SLC26A4: variants seen among roughly 807,000 people sequenced by gnomAD.
The protein encoded by SLC26A4 is pendrin.
SLC26A4 carries 93 observed loss-of-function variants against 90.4 expected under a neutral mutation model. That is an observed-to-expected ratio of 1.03 (90% CI 0.87 to 1.22). The LOEUF (loss-of-function observed/expected upper bound fraction) is 1.22. Ranked by LOEUF, SLC26A4 falls within the 50% of genes most tolerant of loss-of-function variation. SLC26A4 has a pLI of 0.00. For synonymous variants in SLC26A4, 393 were observed against 354.6 expected, an observed-to-expected ratio of 1.11 and a Z score of -1.22; for missense variants, 1,127 against 946.2, an observed-to-expected ratio of 1.19 and a Z score of -2.51.
chr7:107,709,863 G>A (rs1584344264), intron 18 of SLC26A4, among the ~76,000 whole-genome samples, 191 bp from the exon 19 acceptor site: 1 of 151,748 alleles, frequency 6.6e-6, no homozygotes, highest in East Asian at 1.9e-4. Context: ...GGCATGGTAG[G>A]GTGTGCCCTG....
chr7:107,711,825 A>T (rs1792198904), intron 19 of SLC26A4, among the ~76,000 whole-genome samples: 1 of 152,174 alleles, frequency 6.6e-6, no homozygotes, highest in Non-Finnish European at 1.5e-5. Flanking sequence ...ATTATGTCAT[A>T]CCATTTGCAC....
chr7:107,683,643 C>A, intron 8 of SLC26A4, 106 bp downstream of exon 8: 1 of 840,938 alleles, frequency 1.2e-6, no homozygotes, highest in Non-Finnish European at 1.9e-6. Flanking sequence ...GATACTCCTT[C>A]AATAGTCCTA....
rs774173683 is a variant in SLC26A4, at chr7:107,700,145, C to T, written c.1677C>T (p.Val559=). 1.0e-5 allele frequency: 16 copies of T among 1,587,934 alleles called. No individual in the cohort carries two copies. Among genetic ancestry groups the T allele is most frequent in the Admixed American group, 6.7e-5 (4 of 59,942 alleles). Residue 559 remains valine (V), a synonymous_variant, in exon 15 of 21, where the codon GTC becomes GTT. Coordinates refer to ENST00000644269, the MANE Select transcript of SLC26A4 (RefSeq NM_000441.2). The stretch of plus-strand genomic sequence containing the variant: ...CCAGTCCTATTTTCTATGGCAATGT[C>T]GATGGTTTTAAAAAATGTATCAAGT... ...RFSSPIFYGN[V]DGFKKCIKST...
intron 20 of SLC26A4, among the ~76,000 whole-genome samples, chr7:107,713,979 A>G (rs1255393389): frequency 6.6e-6 from 1 of 151,992 alleles, no homozygotes; most frequent in South Asian, 2.1e-4. Flanking sequence ...CAGTGGTACA[A>G]TCTCAGCTCA....
Position 107,674,249 on chromosome 7 carries a change from T to TCAA in SLC26A4, c.501_502insCAA (p.Asn167_Gly168insGln), listed in dbSNP as rs758521444. ...AACACTTTCTCGTATCCAGCAGCAA[T>TCAA]GGAACTGTATTAAATACTACTATGA... is the stretch of plus-strand genomic sequence containing the variant. On this transcript the variant is annotated inframe_insertion, in exon 5 of 21. Transcript: ENST00000644269. 1 of 1,613,950 alleles carries TCAA rather than the reference T, an allele frequency of 6.2e-7. No individual in the cohort carries two copies. Among genetic ancestry groups the TCAA allele is most frequent in the Non-Finnish European group, 8.5e-7 (1 of 1,180,004 alleles).
intron 19 of SLC26A4, 28 bp downstream of exon 19, chr7:107,710,227 A>G: frequency 1.2e-5 from 18 of 1,484,442 alleles, no homozygotes; most frequent in Non-Finnish European, 1.7e-5. Context: ...CTACAGATGT[A>G]TCTTTTCTAA....
Position 107,661,415 on chromosome 7 carries a change from C to T in SLC26A4, c.-3-224C>T. The stretch of plus-strand genomic sequence containing the variant: ...GGAACCCCGGGCAGCGGGTGCAGGC[C>T]ACGAGACCCGAAGGTTCTCAGGTGC... On this transcript the variant is annotated intron_variant, in intron 1 of 20. Coordinates refer to ENST00000644269, the MANE Select transcript of SLC26A4 (RefSeq NM_000441.2). This position sits in a 1 kb window ranked among gnomAD's most constrained non-coding sequence, Gnocchi z 5.1. The T allele has an allele frequency of 1.7e-6, 1 of 602,320 alleles. No individual in the cohort carries two copies. The highest frequency in any genetic ancestry group is 2.9e-5 in the Admixed American group (1 of 34,816). 37.3% of individuals were successfully genotyped at this position (602,320 alleles called of 1,614,324 possible).
At position 107,661,757 on chromosome 7, in the gene SLC26A4, G is replaced by A. The variant is rs1286461030; in HGVS notation, c.116G>A (p.Arg39His). The change falls in exon 2 of 21, where the codon CGC (arginine) becomes CAC (histidine). Residue 39 changes from arginine to histidine, a missense_variant. Arg to His is a conservative substitution (Grantham distance 29). Coordinates refer to ENST00000644269, the MANE Select transcript of SLC26A4 (RefSeq NM_000441.2). This position sits in a 1 kb window ranked among gnomAD's most constrained non-coding sequence, Gnocchi z 5.1. ...GCTTTCCAGCAACAGCACGAGCGGC[G>A]CCTGCAGGAGCGCAAGACGCTGCGG... Reference protein sequence around the residue: ...ELAFQQQHERRLQERKTLRES... With the variant: ...ELAFQQQHERHLQERKTLRES... The A allele has an allele frequency of 1.9e-6, 3 of 1,544,620 alleles. No individual in the cohort carries two copies. Among genetic ancestry groups the A allele is most frequent in the Non-Finnish European group, 2.6e-6 (3 of 1,148,746 alleles).
At position 107,674,977 on chromosome 7, in the gene SLC26A4, A is replaced by G; in HGVS notation, c.633A>G (p.Ile211Met). Reference protein sequence around the residue: ...LIFGGLQIGFIVRYLADPLVG... With the variant: ...LIFGGLQIGFMVRYLADPLVG... ...TTGGTGGCTTGCAGATTGGATTCAT[A>G]GTGAGGTACTTGGCAGATCCTTTGG... The change falls in exon 6 of 21, where the codon ATA (isoleucine) becomes ATG (methionine). Residue 211 changes from isoleucine to methionine, a missense_variant. Transcript: ENST00000644269. The G allele has an allele frequency of 6.2e-7, 1 of 1,614,130 alleles. No individual in the cohort carries two copies. The highest frequency in any genetic ancestry group is 8.5e-7 in the Non-Finnish European group (1 of 1,180,016).
At chr7:107,663,800 C>T (rs1190609522) in intron 3 of SLC26A4, among the ~76,000 whole-genome samples, 1 of 152,144 alleles carries the variant, frequency 6.6e-6, no homozygotes, top group Non-Finnish European at 1.5e-5. Flanking sequence ...TCTCCCGCCT[C>T]AGCCTCCCCA....
At chr7:107,671,279 C>T (rs758077811) in intron 3 of SLC26A4, among the ~76,000 whole-genome samples, 1 of 152,136 alleles carries the variant, frequency 6.6e-6, no homozygotes, top group Non-Finnish European at 1.5e-5. Flanking sequence ...CCTCCTGCCT[C>T]AGCCTCCTTA....
intron 13 of SLC26A4, 82 bp from the exon 14 acceptor site, chr7:107,697,960 C>T: frequency 4.7e-6 from 4 of 857,140 alleles, no homozygotes; most frequent in Non-Finnish European, 8.1e-6. Flanking sequence ...ATGATGGGCT[C>T]TTTAGTAGCT....
rs113420862 is a variant in SLC26A4, at chr7:107,691,108, T to TACACACACACACAC, written c.1263+893_1263+906dup. 2.0e-3 allele frequency among the ~76,000 whole-genome samples: 285 copies of TACACACACACACAC among 141,504 alleles called. 3 individuals carry two copies. The highest frequency in any genetic ancestry group is 6.4e-3 in the African/African-American group (243 of 38,044). 92.8% of individuals were successfully genotyped at this position (141,504 alleles called of 152,430 possible). A position where few individuals can be genotyped will look rare whatever the true frequency, so the allele number is the denominator to read the frequency against. On this transcript the variant is annotated intron_variant, in intron 10 of 20. Transcript: ENST00000644269. ...AACAAACCCAAACTACATAGTGCAA[T>TACACACACACACAC]ACACACACACACACACACACACACA...
chr7:107,675,357 AT>A (rs1467634903), intron 6 of SLC26A4, among the ~76,000 whole-genome samples: 1 of 150,568 alleles, frequency 6.6e-6, no homozygotes, highest in Non-Finnish European at 1.5e-5. Flanking sequence ...AAATCCGAAA[AT>A]TTGCTGGGTG....
At chr7:107,714,292 T>A (rs1792279246) in intron 20 of SLC26A4, among the ~76,000 whole-genome samples, 1 of 152,094 alleles carries the variant, frequency 6.6e-6, no homozygotes, top group African/African-American at 2.4e-5. Flanking sequence ...GGTGTCATAA[T>A]CAAATCTGAT....
rs1792338477 is a variant in SLC26A4, at chr7:107,716,061, A to T, written c.*615A>T. On this transcript the variant is annotated 3_prime_UTR_variant, in exon 21 of 21. Coordinates refer to ENST00000644269, the MANE Select transcript of SLC26A4 (RefSeq NM_000441.2). ...TGGAAATGGTTTACCTAAAAGCTACAGAACCAGGCCAATATATTTTGAAAT... is the reference window on the plus strand; with the variant it reads ...TGGAAATGGTTTACCTAAAAGCTACTGAACCAGGCCAATATATTTTGAAAT... The T allele has an allele frequency of 6.6e-6, 1 of 152,340 alleles. No homozygotes were observed. 9.4% of individuals were successfully genotyped at this position (152,340 alleles called of 1,614,324 possible).
intron 10 of SLC26A4, among the ~76,000 whole-genome samples, chr7:107,691,548 C>CAA (rs1554359078): frequency 6.9e-6 from 1 of 144,176 alleles, no homozygotes; most frequent in South Asian, 2.2e-4. Context: ...CACACACAAA[C>CAA]ATATATATAT....
chr7:107,663,259 A>C, intron 2 of SLC26A4, 37 bp from the exon 3 acceptor site: 1 of 1,613,700 alleles, frequency 6.2e-7, no homozygotes, highest in Non-Finnish European at 8.5e-7. Flanking sequence ...TGTGACTGAG[A>C]TTGGATTGAA....
Position 107,700,162 on chromosome 7 carries a change from G to A in SLC26A4, c.1694G>A (p.Cys565Tyr), listed in dbSNP as rs111033257. The A allele has an allele frequency of 9.7e-6, 15 of 1,538,734 alleles. No individual in the cohort carries two copies. The highest frequency in any genetic ancestry group is 1.3e-5 in the Non-Finnish European group (14 of 1,111,430). ...GGCAATGTCGATGGTTTTAAAAAAT[G>A]TATCAAGTCCACAGTAAGTATTTTA... The part of the protein sequence containing the change: ...FYGNVDGFKK[C>Y]IKSTVGFDAI... The change falls in exon 15 of 21, where the codon TGT becomes TAT. Residue 565 changes from cysteine to tyrosine, a missense_variant. Physicochemically the swap from Cys to Tyr is radical, Grantham distance 194. Transcript: ENST00000644269.
Sources: allele counts gnomAD v4.1 joint callset (sites outside exome capture counted in the v4.1 genomes callset), GRCh38; gene constraint gnomAD v4.1.1; non-coding constraint Gnocchi (gnomAD v3.1); transcripts MANE v1.5; gene names NCBI Gene and HGNC (gene_info 2026-07-23, HGNC 2026-07-21).